WRN: variants seen among roughly 807,000 people sequenced by gnomAD.
The protein encoded by WRN is bifunctional 3'-5' exonuclease/ATP-dependent helicase WRN.
A neutral mutation model predicts 180.7 loss-of-function variants in WRN; 149 were observed. The ratio of observed to expected loss-of-function variants is 0.82; its 90% CI spans 0.72 to 0.94. The LOEUF is 0.94. Among genes scored for constraint, WRN ranks in the 40% least tolerant of loss-of-function variants. The probability of loss-of-function intolerance (pLI) is 0.00; values close to 1 mark genes in which losing one functional copy is unlikely to be tolerated. For missense variants in WRN, 1,661 were observed against 1,700.1 expected (o/e 0.98, Z 0.40); for synonymous variants, 548 against 568.9 (o/e 0.96, Z 0.52).
intron 8 of WRN, among the ~76,000 whole-genome samples, chr8:31,077,417 T>TA (rs397697570): frequency 1.3e-5 from 2 of 151,666 alleles, no homozygotes; most frequent in Non-Finnish European, 2.9e-5. Context: ...ATTTTTTTTT[T>TA]ATTTTTAGTA....
intron 18 of WRN, among the ~76,000 whole-genome samples, chr8:31,104,016 G>GCCTC (rs1261948555): frequency 6.6e-6 from 1 of 152,184 alleles, no homozygotes; most frequent in Admixed American, 6.5e-5. Flanking sequence ...TTACAGGCGT[G>GCCTC]AGCCACTGCG....
At chr8:31,058,782 T>A (rs974407389) in intron 2 of WRN, among the ~76,000 whole-genome samples, 21 of 152,238 alleles carry the variant, frequency 1.4e-4, no homozygotes, top group African/African-American at 5.1e-4. Flanking sequence ...CAGTTTGTTC[T>A]AGTTCAGATA....
At chr8:31,099,086 G>A (rs1814106631) in intron 17 of WRN, among the ~76,000 whole-genome samples, 1 of 151,552 alleles carries the variant, frequency 6.6e-6, no homozygotes, top group African/African-American at 2.4e-5. Flanking sequence ...GAGAGAGAGA[G>A]AGAAGGAAGG....
At position 31,067,075 on chromosome 8, in the gene WRN, C is replaced by T. The variant is rs1167429690; in HGVS notation, c.547C>T (p.His183Tyr). Residue 183 changes from histidine (H) to tyrosine (Y), a missense_variant, in exon 6 of 35, where the codon CAC (histidine) becomes TAC (tyrosine). His to Tyr is a moderately conservative substitution (Grantham distance 83). This residue lies in a region of WRN where 500 missense variants were observed against 504.1 expected (regional missense o/e 0.99). Transcript: ENST00000298139. The stretch of plus-strand genomic sequence containing the variant: ...CTGGAGCCTTAACAGTCTGGTTAAA[C>T]ACCTCTTAGGTAAACAGCTCCTGAA... The part of the protein sequence containing the change: ...ETWSLNSLVK[H>Y]LLGKQLLKDK... 5 of 1,613,846 alleles carry T rather than the reference C, an allele frequency of 3.1e-6. No homozygotes were observed. The highest frequency in any genetic ancestry group is 4.2e-6 in the Non-Finnish European group (5 of 1,179,980).
Position 31,076,362 on chromosome 8 carries a change from A to G in WRN, c.839+75A>G, listed in dbSNP as rs146795663. 4,937 of 1,252,576 alleles carry G rather than the reference A, an allele frequency of 3.9e-3. 16 individuals are homozygous for G. Among genetic ancestry groups the G allele is most frequent in the Non-Finnish European group, 5.3e-3 (4,625 of 873,742 alleles). 77.6% of individuals were successfully genotyped at this position (1,252,576 alleles called of 1,614,324 possible). A position where few individuals can be genotyped will look rare whatever the true frequency, so the allele number is the denominator to read the frequency against. ...TTTTATCACATTTTCCTATATGTGA[A>G]GAATACTATTCATTAAGGCTGACTC... is the stretch of plus-strand genomic sequence containing the variant. On this transcript the variant is annotated intron_variant, in intron 8 of 34. Transcript: ENST00000298139.
rs1585421771 is a variant in WRN, at chr8:31,076,239, T to C, written c.791T>C (p.Leu264Pro). 7 of 1,613,922 alleles carry C rather than the reference T, an allele frequency of 4.3e-6. No homozygotes were observed. The highest frequency in any genetic ancestry group is 5.9e-6 in the Non-Finnish European group (7 of 1,179,926). ...TCAATCTCTGAGGAAGTGATGGATCTGGCTAAGCATCTTCCTCATGCTTTC... is the reference window on the plus strand; with the variant it reads ...TCAATCTCTGAGGAAGTGATGGATCCGGCTAAGCATCTTCCTCATGCTTTC... ...LTSISEEVMDLAKHLPHAFSK... is the reference protein window; with the variant it reads ...LTSISEEVMDPAKHLPHAFSK... Residue 264 changes from leucine (L) to proline (P), a missense_variant, in exon 8 of 35, where the codon CTG becomes CCG. Leu to Pro is a moderately conservative substitution (Grantham distance 98, BLOSUM62 -3). Around this residue, in one of 3 missense-constraint regions of WRN, gnomAD observed 500 missense variants for 504.1 expected, o/e 0.99. Coordinates refer to ENST00000298139, the MANE Select transcript of WRN (RefSeq NM_000553.6).
chr8:31,051,660 G>C (rs983994220), intron 1 of WRN, among the ~76,000 whole-genome samples: 2 of 152,142 alleles, frequency 1.3e-5, no homozygotes, highest in African/African-American at 4.8e-5. Flanking sequence ...CACTCGTTTA[G>C]CTATCATGAG....
chr8:31,041,931 T>C (rs1811675374), intron 1 of WRN, among the ~76,000 whole-genome samples: 1 of 152,114 alleles, frequency 6.6e-6, no homozygotes, highest in Non-Finnish European at 1.5e-5. Context: ...GAGATAGTAA[T>C]AAAGCCAGAA....
At chr8:31,066,061 A>G (rs772637030) in intron 5 of WRN, among the ~76,000 whole-genome samples, 2 of 151,714 alleles carry the variant, frequency 1.3e-5, no homozygotes, top group Non-Finnish European at 2.9e-5. Flanking sequence ...TATTTTTAGT[A>G]GAGACGGGGT....
intron 1 of WRN, among the ~76,000 whole-genome samples, chr8:31,046,388 C>G (rs1392239482): frequency 1.3e-5 from 2 of 150,904 alleles, no homozygotes; most frequent in South Asian, 2.1e-4. Flanking sequence ...TTTTTTCTTT[C>G]CTTTGATAAA....
chr8:31,149,164 G>A (rs1337685027), intron 30 of WRN, among the ~76,000 whole-genome samples: 15 of 152,032 alleles, frequency 9.9e-5, no homozygotes, highest in Non-Finnish European at 2.1e-4. Context: ...TTGGGAGGCC[G>A]AGGCGGGCGG....
chr8:31,106,090 A>T (rs62506090), intron 18 of WRN, among the ~76,000 whole-genome samples: 24,285 of 152,062 alleles, frequency 0.16, 2,094 homozygotes, highest in South Asian at 0.26. Context: ...CAGCAGCTCC[A>T]TTGGCCAAAA....
chr8:31,150,738 A>G (rs1033856979), intron 31 of WRN, among the ~76,000 whole-genome samples: 1 of 152,186 alleles, frequency 6.6e-6, no homozygotes, highest in African/African-American at 2.4e-5. Context: ...AGGTTGATAA[A>G]TTATAATTTT....
chr8:31,074,909 G>A (rs181690148), intron 7 of WRN, among the ~76,000 whole-genome samples: 1 of 152,170 alleles, frequency 6.6e-6, no homozygotes, highest in African/African-American at 2.4e-5. Flanking sequence ...GTTGGGGAAA[G>A]CATGCTGGAA....
chr8:31,158,514 T>C (rs1365744154), intron 33 of WRN, among the ~76,000 whole-genome samples: 1 of 152,170 alleles, frequency 6.6e-6, no homozygotes, highest in Admixed American at 6.5e-5. Flanking sequence ...TAAATTTCTT[T>C]TGACTGTTAG....
chr8:31,049,511 C>CA (rs754805498), intron 1 of WRN, among the ~76,000 whole-genome samples: 1,100 of 78,606 alleles, frequency 0.014, 5 homozygotes, highest in African/African-American at 0.018. Context: ...GACTCTGTCT[C>CA]AAAAAAAAAA....
At chr8:31,159,114 C>T (rs1021454903) in intron 33 of WRN, among the ~76,000 whole-genome samples, 52 of 151,654 alleles carry the variant, frequency 3.4e-4, no homozygotes, top group Admixed American at 2.8e-3. Flanking sequence ...GCCTGAGCAA[C>T]ATAGTGTGAC....
intron 16 of WRN, among the ~76,000 whole-genome samples, chr8:31,092,586 T>C (rs780621844): frequency 6.6e-6 from 1 of 151,936 alleles, no homozygotes; most frequent in Non-Finnish European, 1.5e-5. Flanking sequence ...AGAACACCCC[T>C]GCCCATTAAG....
Position 31,130,013 on chromosome 8 carries a change from A to AC in WRN, c.2826-2352_2826-2351insC, listed in dbSNP as rs1423047961. Among the ~76,000 whole-genome samples, 7 of 95,780 alleles carry AC rather than the reference A, an allele frequency of 7.3e-5. 1 individual carries two copies. The highest frequency in any genetic ancestry group is 5.0e-4 in the Admixed American group (4 of 7,992). The allele number at this position is 95,780 out of a possible 152,430, so 62.8% of individuals were successfully genotyped here. The stretch of plus-strand genomic sequence containing the variant: ...AGCGACACTCTTGTCTCAAAAAAAA[A>AC]ACAAAACAAAACAAAAAAAAAAACT... On this transcript the variant is annotated intron_variant, in intron 23 of 34. Transcript: ENST00000298139.
Sources: allele counts gnomAD v4.1 joint callset (sites outside exome capture counted in the v4.1 genomes callset), GRCh38; gene constraint gnomAD v4.1.1; regional missense constraint gnomAD v4.1.1; transcripts MANE v1.5; gene names NCBI Gene and HGNC (gene_info 2026-07-23, HGNC 2026-07-21).